NAF1: variants seen among roughly 807,000 people sequenced by gnomAD.
NAF1 encodes the protein H/ACA ribonucleoprotein complex non-core subunit NAF1.
A neutral mutation model predicts 40.6 loss-of-function variants in NAF1; 11 were observed. That is an observed-to-expected ratio of 0.27 (90% CI 0.17 to 0.45). The LOEUF (loss-of-function observed/expected upper bound fraction) is 0.45, where lower values mean the gene tolerates loss of function less well. Among genes scored for constraint, NAF1 ranks in the 20% least tolerant of loss-of-function variants. NAF1 has a pLI of 1.00. For missense variants in NAF1, 607 were observed against 611.1 expected (o/e 0.99, Z 0.07); for synonymous variants, 260 against 228.5 (o/e 1.14, Z -1.24).
intron 2 of NAF1, chr4:163,117,546 A>C (rs1730376580): frequency 6.6e-6 from 1 of 152,078 alleles, no homozygotes; most frequent in African/African-American, 2.4e-5. Flanking sequence ...CTTTCAAGTA[A>C]ATCTAAGTAC....
At chr4:163,116,473 A>G (rs1407727085) in intron 2 of NAF1, among the ~76,000 whole-genome samples, 1 of 152,186 alleles carries the variant, frequency 6.6e-6, no homozygotes, top group Non-Finnish European at 1.5e-5. Flanking sequence ...TTCTAGCAGA[A>G]TTTCTTAGCA....
intron 5 of NAF1, among the ~76,000 whole-genome samples, chr4:163,137,662 T>C (rs1194190109): frequency 6.6e-6 from 1 of 152,300 alleles, no homozygotes; most frequent in East Asian, 1.9e-4. Context: ...TTTTCACAGA[T>C]TTTACAGGTT....
intron 2 of NAF1, among the ~76,000 whole-genome samples, chr4:163,117,680 T>TACACACACACACAC (rs55869899): frequency 0.049 from 6,539 of 134,768 alleles, 249 homozygotes; most frequent in African/African-American, 0.079. Context: ...CTGGAAGCAA[T>TACACACACACACAC]ACACACACAC....
At chr4:163,117,973 G>C (rs2110826156) in intron 2 of NAF1, among the ~76,000 whole-genome samples, 1 of 152,212 alleles carries the variant, frequency 6.6e-6, no homozygotes, top group South Asian at 2.1e-4. Flanking sequence ...TTCCAAATTA[G>C]AGGTGATAGG....
downstream of NAF1, among the ~76,000 whole-genome samples, chr4:163,106,402 C>T (rs1730049749): frequency 6.6e-6 from 1 of 152,210 alleles, no homozygotes; most frequent in African/African-American, 2.4e-5. Context: ...TTCAGTCCCA[C>T]TGCTATACTT....
At chr4:163,143,765 C>G (rs1024731266) in intron 4 of NAF1, among the ~76,000 whole-genome samples, 17 of 152,172 alleles carry the variant, frequency 1.1e-4, no homozygotes, top group African/African-American at 3.6e-4. Context: ...TCTAGGTGAG[C>G]CAGCTTTGGG....
Position 163,148,347 on chromosome 4 carries a change from G to C in NAF1, c.628C>G (p.Gln210Glu), listed in dbSNP as rs373731296. ...PLGMVSSIIE[Q>E]LVIIESMTNL... ...AATAGAATTCTTAACATACCTAGTTGTTCAATAATACTTGAAACCATCCCA... is the reference window on the plus strand; with the variant it reads ...AATAGAATTCTTAACATACCTAGTTCTTCAATAATACTTGAAACCATCCCA... Residue 210 changes from glutamine (Q) to glutamate (E), a missense_variant, in exon 3 of 8, where the codon CAA becomes GAA. This residue lies in a region of NAF1 where 407 missense variants were observed against 365.5 expected (regional missense o/e 1.11). Transcript: ENST00000274054. The C allele has an allele frequency of 5.8e-6, 9 of 1,542,416 alleles. No individual in the cohort carries two copies. The African/African-American group carries it at 1.3e-4, about 22-fold the overall frequency.
chr4:163,154,832 T>C (rs866282981), intron 2 of NAF1, among the ~76,000 whole-genome samples: 8 of 151,332 alleles, frequency 5.3e-5, no homozygotes, highest in African/African-American at 9.7e-5. Context: ...GATCGCACCA[T>C]TGCACTCCAG....
downstream of NAF1, chr4:163,126,706 A>C (rs911886256): frequency 4.3e-6 from 1 of 234,138 alleles, no homozygotes. Context: ...ACAGAGAATA[A>C]AATGCTATCA....
intron 2 of NAF1, among the ~76,000 whole-genome samples, chr4:163,151,295 G>A (rs1456093681): frequency 1.3e-5 from 2 of 150,616 alleles, no homozygotes; most frequent in African/African-American, 4.9e-5. Context: ...TGAAACTTGT[G>A]TCACATTTAG....
chr4:163,139,918 C>A (rs958259025), intron 5 of NAF1, among the ~76,000 whole-genome samples: 1 of 151,666 alleles, frequency 6.6e-6, no homozygotes, highest in African/African-American at 2.4e-5. Context: ...AATATTAGTA[C>A]TAATACTAAA....
At chr4:163,160,677 G>A (rs1219015917) in intron 2 of NAF1, among the ~76,000 whole-genome samples, 1 of 152,138 alleles carries the variant, frequency 6.6e-6, no homozygotes, top group African/African-American at 2.4e-5. Context: ...TTTAGAAAGT[G>A]GTTGGACATA....
chr4:163,126,026 A>G (rs1730645197), downstream of NAF1, among the ~76,000 whole-genome samples: 1 of 152,220 alleles, frequency 6.6e-6, no homozygotes, highest in Admixed American at 6.5e-5. Context: ...TAAGTCCACC[A>G]TTCAGTAAAA....
intron 2 of NAF1, among the ~76,000 whole-genome samples, chr4:163,149,297 T>C (rs968589897): frequency 7.9e-5 from 12 of 152,246 alleles, no homozygotes; most frequent in African/African-American, 2.9e-4. Flanking sequence ...ACCAATGGCA[T>C]TTTAGCAGTT....
intron 5 of NAF1, among the ~76,000 whole-genome samples, chr4:163,137,920 G>C (rs1380564629): frequency 6.6e-6 from 1 of 152,138 alleles, no homozygotes; most frequent in Non-Finnish European, 1.5e-5. Flanking sequence ...TTTTGGTGGA[G>C]AGTTTTACAC....
At chr4:163,155,734 G>A (rs576136658) in intron 2 of NAF1, among the ~76,000 whole-genome samples, 12 of 152,160 alleles carry the variant, frequency 7.9e-5, no homozygotes, top group Non-Finnish European at 1.3e-4. Flanking sequence ...CTCCTTTAAG[G>A]AAATAAAAAT....
At chr4:163,112,995 C>G (rs1730209837) in intron 2 of NAF1, among the ~76,000 whole-genome samples, 1 of 152,130 alleles carries the variant, frequency 6.6e-6, no homozygotes, top group South Asian at 2.1e-4. Context: ...CGATCACGTT[C>G]AACTCTATAT....
chr4:163,133,402 T>C (rs973517911), intron 6 of NAF1, 146 bp from the exon 7 acceptor site: 14 of 572,496 alleles, frequency 2.4e-5, no homozygotes, highest in Middle Eastern at 4.5e-4. Flanking sequence ...TTTCTATATC[T>C]GAATTAGACA....
intron 2 of NAF1, among the ~76,000 whole-genome samples, chr4:163,160,054 A>G (rs943240611): frequency 6.6e-6 from 1 of 152,204 alleles, no homozygotes; most frequent in African/African-American, 2.4e-5. Context: ...TGCTGATAAA[A>G]TTGTTTAAAA....
Sources: allele counts gnomAD v4.1 joint callset (sites outside exome capture counted in the v4.1 genomes callset), GRCh38; gene constraint gnomAD v4.1.1; regional missense constraint gnomAD v4.1.1; transcripts MANE v1.5; gene names NCBI Gene and HGNC (gene_info 2026-07-23, HGNC 2026-07-21).